Variants in SYN3 observed in about 807,000 individuals in gnomAD.
SYN3 encodes the protein synapsin III.
A neutral mutation model predicts 65.8 loss-of-function variants in SYN3; 35 were observed. The observed-to-expected ratio is 0.53, with a 90% CI of 0.41 to 0.70. The LOEUF is 0.70. Ranked by LOEUF, SYN3 falls within the 30% of genes least tolerant of loss-of-function variation. The pLI, the probability that SYN3 is intolerant of heterozygous loss-of-function variation, is 0.00. For missense variants in SYN3, 680 were observed against 749.0 expected, an observed-to-expected ratio of 0.91 and a Z score of 1.08; for synonymous variants, 270 against 292.9, an observed-to-expected ratio of 0.92 and a Z score of 0.80.
intron 3 of SYN3, among the ~76,000 whole-genome samples, chr22:32,938,257 G>C (rs937257050): frequency 1.3e-5 from 2 of 152,138 alleles, no homozygotes; most frequent in Non-Finnish European, 1.5e-5. Flanking sequence ...GGCTGGGCGC[G>C]GTGGCTCACG....
At chr22:32,633,242 A>C (rs994029211) in intron 6 of SYN3, among the ~76,000 whole-genome samples, 1 of 152,230 alleles carries the variant, frequency 6.6e-6, no homozygotes, top group African/African-American at 2.4e-5. Flanking sequence ...CTGACTTGTC[A>C]CACCCATCAC....
Position 32,586,485 on chromosome 22 carries a change from A to G in SYN3, c.774+10189T>C, listed in dbSNP as rs528200120. Among the ~76,000 whole-genome samples, 29 of 152,338 alleles carry G rather than the reference A, an allele frequency of 1.9e-4. No individual in the cohort carries two copies. The South Asian group carries it at 3.5e-3, about 18-fold the overall frequency. ...ACACATCTATTTTTTTCCATAAAGA[A>G]TATCACTTAGGAAGACTAGACAGCA... On this transcript the variant is annotated intron_variant, in intron 7 of 13. Transcript: ENST00000358763.
At position 32,944,405 on chromosome 22, in the gene SYN3, A is replaced by C. The variant is rs557694636; in HGVS notation, c.370-12924T>G. Among the ~76,000 whole-genome samples, 478 of 152,264 alleles carry C rather than the reference A, an allele frequency of 3.1e-3. 1 individual carries two copies. Among genetic ancestry groups the C allele is most frequent in the African/African-American group, 0.011 (447 of 41,544 alleles). ...TGGTTCAACATATGCAAATCAATAA[A>C]CGTAATCCAGCATATAAACAGAACC... On this transcript the variant is annotated intron_variant, in intron 3 of 13. Coordinates refer to ENST00000358763, the MANE Select transcript of SYN3 (RefSeq NM_003490.4).
chr22:32,946,357 C>T (rs554658663), intron 3 of SYN3, among the ~76,000 whole-genome samples: 201 of 152,252 alleles, frequency 1.3e-3, no homozygotes, highest in Non-Finnish European at 1.4e-3. Context: ...GAATACTATG[C>T]AGCCATAAAA....
At chr22:32,612,704 T>A (rs944889225) in intron 6 of SYN3, among the ~76,000 whole-genome samples, 2 of 152,006 alleles carry the variant, frequency 1.3e-5, no homozygotes, top group Admixed American at 6.6e-5. Context: ...TAGCCAGGCA[T>A]GGTGGCACAT....
chr22:32,825,483 A>AC (rs2047374852), intron 6 of SYN3, among the ~76,000 whole-genome samples: 2 of 151,414 alleles, frequency 1.3e-5, no homozygotes, highest in South Asian at 4.2e-4. Flanking sequence ...ACATGGTGAA[A>AC]CCCCGTCTTT....
chr22:33,010,881 A>T (rs977219299), intron 1 of SYN3, among the ~76,000 whole-genome samples: 3 of 152,296 alleles, frequency 2.0e-5, no homozygotes, highest in Admixed American at 1.3e-4. Flanking sequence ...TTTTAAAATG[A>T]CACTGTTTTC....
intron 7 of SYN3, among the ~76,000 whole-genome samples, chr22:32,594,447 T>C (rs1341922148): frequency 6.6e-6 from 1 of 152,124 alleles, no homozygotes; most frequent in Admixed American, 6.5e-5. Context: ...CTATGGGTCA[T>C]GCCCTGATCT....
intron 12 of SYN3, among the ~76,000 whole-genome samples, chr22:32,526,641 G>A (rs911296272): frequency 5.3e-5 from 8 of 151,910 alleles, no homozygotes; most frequent in African/African-American, 1.5e-4. Context: ...TCAGCCTCCC[G>A]AGTAGCTGGG....
intron 6 of SYN3, among the ~76,000 whole-genome samples, chr22:32,739,597 T>G (rs563705292): frequency 6.6e-6 from 1 of 152,308 alleles, no homozygotes; most frequent in South Asian, 2.1e-4. Context: ...CTGTACCAGC[T>G]GTTAAAATGT....
chr22:32,869,006 G>A lies in SYN3; in HGVS notation c.581C>T (p.Ser194Phe), dbSNP rs776767731. ...LQYGGLPAVN[S>F]LYSVYNFCSK... The stretch of plus-strand genomic sequence containing the variant: ...GCAGAAGTTGTAGACGGAGTAGAGA[G>A]AGTTGACAGCAGGCAGCCCTCCATA... Residue 194 changes from serine to phenylalanine, a missense_variant, in exon 5 of 14, where the codon TCT (serine) becomes TTT (phenylalanine). Transcript: ENST00000358763. 4.3e-6 allele frequency: 7 copies of A among 1,614,126 alleles called. No individual in the cohort carries two copies. The Admixed American group carries it at 8.3e-5, about 19-fold the overall frequency.
chr22:32,577,193 C>A (rs886435500), intron 7 of SYN3, among the ~76,000 whole-genome samples: 2 of 152,196 alleles, frequency 1.3e-5, no homozygotes. Context: ...TGCTTCCCCC[C>A]ATTCTGAGCA....
At chr22:32,798,836 C>T (rs1235315107) in intron 6 of SYN3, among the ~76,000 whole-genome samples, 3 of 151,934 alleles carry the variant, frequency 2.0e-5, no homozygotes, top group Non-Finnish European at 2.9e-5. Context: ...GGACTACAGG[C>T]GCCCACCACC....
chr22:32,549,570 C>G (rs1315287725), intron 7 of SYN3, among the ~76,000 whole-genome samples: 3 of 152,124 alleles, frequency 2.0e-5, no homozygotes, highest in Admixed American at 6.5e-5. Context: ...AAACTTTTAT[C>G]AAGAATTTTT....
chr22:32,707,412 A>G (rs1259115995), intron 6 of SYN3, among the ~76,000 whole-genome samples: 2 of 152,212 alleles, frequency 1.3e-5, no homozygotes, highest in Non-Finnish European at 2.9e-5. Flanking sequence ...TCTGAGAAGC[A>G]TGGGCCTCAG....
intron 1 of SYN3, among the ~76,000 whole-genome samples, chr22:33,030,618 AAC>A (rs1158801389): frequency 1.3e-5 from 2 of 151,626 alleles, no homozygotes; most frequent in African/African-American, 4.8e-5. Flanking sequence ...GATAAAAATA[AAC>A]ACAGAGAGAC....
intron 7 of SYN3, 136 bp from the exon 8 acceptor site, chr22:32,541,849 G>A (rs557426391): frequency 8.8e-6 from 9 of 1,017,982 alleles, no homozygotes; most frequent in African/African-American, 4.9e-5. Flanking sequence ...AGACAGACAC[G>A]GGAAGCAAAT....
intron 6 of SYN3, among the ~76,000 whole-genome samples, chr22:32,814,025 G>A (rs2046988587): frequency 6.6e-6 from 1 of 151,538 alleles, no homozygotes; most frequent in African/African-American, 2.4e-5. Flanking sequence ...ATTGCCTGAT[G>A]TTAGTAGGCA....
Position 32,617,053 on chromosome 22 carries a change from A to G in SYN3, c.712-20317T>C, listed in dbSNP as rs946199894. ...GCTGGCCAAGGCTTCACGTTTAAGA[A>G]GGGCCTCAAATAGAGATTCCTCAAT... On this transcript the variant is annotated intron_variant, in intron 6 of 13. Transcript: ENST00000358763. 1.6e-4 allele frequency among the ~76,000 whole-genome samples: 24 copies of G among 152,210 alleles called. 1 individual carries two copies. The highest frequency in any genetic ancestry group is 2.6e-4 in the Non-Finnish European group (18 of 68,042).
Sources: allele counts gnomAD v4.1 joint callset (sites outside exome capture counted in the v4.1 genomes callset), GRCh38; gene constraint gnomAD v4.1.1; transcripts MANE v1.5; gene names NCBI Gene and HGNC (gene_info 2026-07-23, HGNC 2026-07-21).